The following GART variants were observed in gnomAD, a reference collection of about 807,000 sequenced individuals.
The protein encoded by GART is trifunctional purine biosynthetic protein adenosine-3.
In GART, 43 loss-of-function variants were observed where a neutral mutation model predicts 107.2. That is an observed-to-expected ratio of 0.40 (90% confidence interval 0.31 to 0.52). The LOEUF (loss-of-function observed/expected upper bound fraction) is 0.52, where lower values mean the gene tolerates loss of function less well. Among genes scored for constraint, GART ranks in the 20% least tolerant of loss-of-function variants. The pLI is 0.52. For synonymous variants in GART, 434 were observed against 427.0 expected, an observed-to-expected ratio of 1.02 and a Z score of -0.20; for missense variants, 1,107 against 1,206.5, an observed-to-expected ratio of 0.92 and a Z score of 1.22.
chr21:33,511,187 G>A (rs1569011976), intron 17 of GART, 65 bp downstream of exon 17: 1 of 1,545,414 alleles, frequency 6.5e-7, no homozygotes, highest in East Asian at 2.2e-5. Flanking sequence ...GTGAGGCAAG[G>A]CTGAGGTATA....
In GART at chr21:33,504,225, A is replaced by T. The variant is rs1408963955; in HGVS notation, c.2932T>A (p.Leu978Ile). Reference protein sequence around the residue: ...TVATLSERVKLAEHKIFPAAL... With the variant: ...TVATLSERVKIAEHKIFPAAL... The stretch of plus-strand genomic sequence containing the variant: ...GCAGGAAATATTTTATGTTCTGCTA[A>T]TTTTACTCTTTCAGAAAGAGTTGCG... Residue 978 changes from leucine to isoleucine, a missense_variant, in exon 22 of 22, where the codon TTA becomes ATA. Leu to Ile is a conservative substitution (Grantham distance 5). Transcript: ENST00000381815. The T allele has an allele frequency of 6.2e-7, 1 of 1,614,080 alleles. No homozygotes were observed. Among genetic ancestry groups the T allele is most frequent in the African/African-American group, 1.3e-5 (1 of 74,922 alleles).
In GART at chr21:33,517,425, T is replaced by G; in HGVS notation, c.1886A>C (p.Lys629Thr). ...CTGGAGGGAAGATTTTGCCACGATT[T>G]TCCTCACAAGGCTAAATCCATTGCT... is the stretch of plus-strand genomic sequence containing the variant. The part of the protein sequence containing the change: ...LHSNGFSLVR[K>T]IVAKSSLQYS... The change falls in exon 15 of 22, where the codon AAA becomes ACA. Residue 629 changes from lysine to threonine, a missense_variant. By Grantham distance (78) the Lys-to-Thr change is moderately conservative. Coordinates refer to ENST00000381815, the MANE Select transcript of GART (RefSeq NM_000819.5). 1.9e-6 allele frequency: 3 copies of G among 1,614,182 alleles called. No individual in the cohort carries two copies. The highest frequency in any genetic ancestry group is 1.6e-4 in the Middle Eastern group (1 of 6,062).
intron 11 of GART, 21 bp downstream of exon 11, chr21:33,524,748 C>T (rs1401310601): frequency 5.6e-6 from 9 of 1,613,874 alleles, no homozygotes; most frequent in Non-Finnish European, 6.8e-6. Context: ...GGCACTACAG[C>T]TAACTTGCTT....
chr21:33,534,862 C>T (rs2085274300), intron 3 of GART, 109 bp from the exon 4 acceptor site: 1 of 932,474 alleles, frequency 1.1e-6, no homozygotes, highest in Non-Finnish European at 1.5e-6. Context: ...AGGCAGATGA[C>T]TGGTGGCAGA....
chr21:33,505,536 G>A, intron 20 of GART, 25 bp downstream of exon 20: 3 of 1,574,792 alleles, frequency 1.9e-6, no homozygotes, highest in Non-Finnish European at 2.6e-6. Flanking sequence ...ATTTCCCAAT[G>A]TGATGTCAAA....
At chr21:33,530,609 A>G in intron 7 of GART, 150 bp downstream of exon 7, 1 of 798,168 alleles carries the variant, frequency 1.3e-6, no homozygotes, top group Non-Finnish European at 1.7e-6. Flanking sequence ...TTTAGAGACC[A>G]GAAAAGATAC....
chr21:33,524,193 G>A, intron 11 of GART: 2 of 985,264 alleles, frequency 2.0e-6, no homozygotes, highest in Non-Finnish European at 2.4e-6. Context: ...CTCATCTTCA[G>A]TTCTTTGATA....
Position 33,517,694 on chromosome 21 carries a change from CAACT to C in GART, c.1703-90_1703-87del, listed in dbSNP as rs548039784. On this transcript the variant is annotated intron_variant, in intron 14 of 21. Coordinates refer to ENST00000381815, the MANE Select transcript of GART (RefSeq NM_000819.5). ...TGGCACAGGCTACTCTTAACATGAA[CAACT>C]AACACATGGCTATGTCCTGCAAATA... is the stretch of plus-strand genomic sequence containing the variant. The C allele has an allele frequency of 1.9e-4, 248 of 1,322,086 alleles. No individual in the cohort carries two copies. The African/African-American group carries it at 3.1e-3, about 17-fold the overall frequency. The allele number at this position is 1,322,086 out of a possible 1,614,324, so 81.9% of individuals were successfully genotyped here. A position where few individuals can be genotyped will look rare whatever the true frequency, so the allele number is the denominator to read the frequency against.
At chr21:33,537,844 G>C (rs2085332899) in intron 2 of GART, among the ~76,000 whole-genome samples, 1 of 152,178 alleles carries the variant, frequency 6.6e-6, no homozygotes, top group African/African-American at 2.4e-5. Context: ...TAAGGAATTT[G>C]AGTTTTATTC....
chr21:33,535,346 AAC>A, intron 2 of GART, 26 bp from the exon 3 acceptor site: 3 of 1,233,050 alleles, frequency 2.4e-6, no homozygotes, highest in South Asian at 1.5e-5. Context: ...AAAAAAAAAA[AAC>A]CACTGCATTT....
At chr21:33,530,397 T>TCACACA (rs377175222) in intron 7 of GART, among the ~76,000 whole-genome samples, 1 of 151,634 alleles carries the variant, frequency 6.6e-6, no homozygotes, top group Non-Finnish European at 1.5e-5. Flanking sequence ...TCAATTCATA[T>TCACACA]CACACACACA....
At chr21:33,514,174 C>T (rs1047043615) in intron 16 of GART, among the ~76,000 whole-genome samples, 2 of 151,782 alleles carry the variant, frequency 1.3e-5, no homozygotes, top group East Asian at 3.9e-4. Flanking sequence ...AGGCTGAGGT[C>T]GGAGAATCAC....
At chr21:33,530,398 C>T (rs930844573) in intron 7 of GART, among the ~76,000 whole-genome samples, 19 of 151,522 alleles carry the variant, frequency 1.3e-4, no homozygotes, top group African/African-American at 3.4e-4. Flanking sequence ...CAATTCATAT[C>T]ACACACACAC....
chr21:33,524,649 G>T (rs1223797683), intron 11 of GART, 120 bp downstream of exon 11: 3 of 1,482,852 alleles, frequency 2.0e-6, no homozygotes, highest in Non-Finnish European at 2.7e-6. Flanking sequence ...AACCAAGACT[G>T]TATCACTCCC....
At chr21:33,527,350 C>T (rs1455757311) in intron 10 of GART, among the ~76,000 whole-genome samples, 1 of 152,088 alleles carries the variant, frequency 6.6e-6, no homozygotes, top group Non-Finnish European at 1.5e-5. Flanking sequence ...GAAACCCCAT[C>T]TCTACTAAAA....
At position 33,539,165 on chromosome 21, in the gene GART, G is replaced by A. The variant is rs773361789; in HGVS notation, c.145+6C>T. On this transcript the variant is annotated splice_donor_region_variant and intron_variant, in intron 2 of 21. Coordinates refer to ENST00000381815, the MANE Select transcript of GART (RefSeq NM_000819.5). ...ACTATTACTCCCCACTTTAAAACAT[G>A]ATTACCGGTATTTGAAATCTTTTCA... is the stretch of plus-strand genomic sequence containing the variant. 42 of 1,610,170 alleles carry A rather than the reference G, an allele frequency of 2.6e-5. No homozygotes were observed. The highest frequency in any genetic ancestry group is 3.4e-5 in the Non-Finnish European group (40 of 1,178,566).
At chr21:33,516,933 A>C in intron 16 of GART, 56 bp downstream of exon 16, 2 of 1,438,052 alleles carry the variant, frequency 1.4e-6, no homozygotes, top group Non-Finnish European at 1.9e-6. Flanking sequence ...TTTCTCGCAC[A>C]ATGCATTTTT....
chr21:33,506,945 C>T (rs763550834), intron 18 of GART, among the ~76,000 whole-genome samples: 1 of 151,954 alleles, frequency 6.6e-6, no homozygotes, highest in South Asian at 2.1e-4. Context: ...AAAAGGGAAC[C>T]GTCACACACT....
chr21:33,524,661 C>T (rs1288898014), intron 11 of GART, 108 bp downstream of exon 11: 17 of 1,515,468 alleles, frequency 1.1e-5, no homozygotes, highest in Non-Finnish European at 1.5e-5. Context: ...ATCACTCCCA[C>T]AGAGAGAAAA....
Sources: gnomAD v4.1 joint callset for allele counts (sites outside exome capture counted in the v4.1 genomes callset) on GRCh38, gnomAD v4.1.1 for gene constraint, MANE v1.5 for transcripts, NCBI Gene and HGNC (gene_info 2026-07-23, HGNC 2026-07-21) for gene names.